FHIP2A: variants seen among roughly 807,000 people sequenced by gnomAD.
FHIP2A encodes the protein family with sequence similarity 160 member B1.
Under a neutral mutation model 93.5 loss-of-function variants are expected in FHIP2A, and 46 were observed. The observed-to-expected ratio is 0.49, with a 90% confidence interval of 0.39 to 0.63. The LOEUF is 0.63. Among genes scored for constraint, FHIP2A ranks in the 20% least tolerant of loss-of-function variants. FHIP2A has a pLI of 0.00. For synonymous variants in FHIP2A, 332 were observed against 326.5 expected, an observed-to-expected ratio of 1.02 and a Z score of -0.18; for missense variants, 769 against 909.7, an observed-to-expected ratio of 0.85 and a Z score of 1.99.
chr10:114,843,303 TTTTAA>T (rs1357201664), intron 6 of FHIP2A, 77 bp downstream of exon 6: 1 of 996,336 alleles, frequency 1.0e-6, no homozygotes, highest in East Asian at 3.3e-5. Context: ...TAATTTTAAT[TTTTAA>T]TTTATTTTTT....
rs192461208 is a variant in FHIP2A, at chr10:114,842,476, T to C, written c.523-457T>C. 5.6e-4 allele frequency among the ~76,000 whole-genome samples: 85 copies of C among 152,296 alleles called. 1 individual carries two copies. In the East Asian group the frequency reaches 0.014, roughly 26 times the overall value. ...ACCTTCAGTCTAATGCTGGTAACTT[T>C]TGAACTTTAAAATATTTTTATTTGT... On this transcript the variant is annotated intron_variant, in intron 5 of 16. Transcript: ENST00000369248.
chr10:114,850,926 TG>T (rs1249605617), intron 13 of FHIP2A, among the ~76,000 whole-genome samples: 9 of 152,290 alleles, frequency 5.9e-5, no homozygotes, highest in Middle Eastern at 6.8e-3. Flanking sequence ...TTGTTGTTGT[TG>T]TTTGGAGACA....
intron 16 of FHIP2A, among the ~76,000 whole-genome samples, chr10:114,895,859 T>G (rs2083998574): frequency 1.3e-5 from 2 of 152,214 alleles, no homozygotes; most frequent in South Asian, 4.1e-4. Context: ...GCACATGATG[T>G]AAGGCATATC....
At chr10:114,823,452 TTTTC>T (rs1439310417) in intron 1 of FHIP2A, among the ~76,000 whole-genome samples, 3 of 151,950 alleles carry the variant, frequency 2.0e-5, no homozygotes, top group Non-Finnish European at 4.4e-5. Flanking sequence ...TTAAATTTTG[TTTTC>T]TTTAAAAATA....
intron 3 of FHIP2A, among the ~76,000 whole-genome samples, chr10:114,834,723 C>T (rs1035914011): frequency 6.6e-6 from 1 of 152,142 alleles, no homozygotes; most frequent in East Asian, 1.9e-4. Flanking sequence ...ATTTATTAAA[C>T]ATTCTTTGCC....
At chr10:114,848,488 A>C (rs2083715289) in intron 12 of FHIP2A, among the ~76,000 whole-genome samples, 159 bp from the exon 13 acceptor site, 2 of 152,192 alleles carry the variant, frequency 1.3e-5, no homozygotes, top group Non-Finnish European at 2.9e-5. Flanking sequence ...ATTTGTATTA[A>C]TACTTAGCTG....
Position 114,886,822 on chromosome 10 carries a change from T to C in FHIP2A, c.2193-12668T>C, listed in dbSNP as rs146510538. On this transcript the variant is annotated intron_variant, in intron 16 of 16. Coordinates refer to the FHIP2A transcript ENST00000369250. ...AGCCTCCCAAAGTACTGTGAGCCAC[T>C]GCACCTGGCCTTTTTTTGTTTTGTT... is the stretch of plus-strand genomic sequence containing the variant. Among the ~76,000 whole-genome samples, 377 of 151,960 alleles carry C rather than the reference T, an allele frequency of 2.5e-3. 2 individuals are homozygous for C. The highest frequency in any genetic ancestry group is 8.6e-3 in the African/African-American group (357 of 41,460).
intron 16 of FHIP2A, among the ~76,000 whole-genome samples, chr10:114,898,115 A>G (rs1002545335): frequency 6.6e-6 from 1 of 152,178 alleles, no homozygotes; most frequent in African/African-American, 2.4e-5. Flanking sequence ...GAAGAAGCCA[A>G]AGAGATGGAC....
At chr10:114,887,200 C>T (rs908335430) in intron 16 of FHIP2A, among the ~76,000 whole-genome samples, 3 of 152,212 alleles carry the variant, frequency 2.0e-5, no homozygotes, top group East Asian at 1.9e-4. Flanking sequence ...GCTAAAATTA[C>T]TGTACAGGGA....
chr10:114,845,055 C>T (rs1053601396), intron 7 of FHIP2A, among the ~76,000 whole-genome samples: 8 of 151,782 alleles, frequency 5.3e-5, no homozygotes, highest in Admixed American at 2.0e-4. Flanking sequence ...CACCCACCCA[C>T]GCACGTTGGC....
intron 16 of FHIP2A, chr10:114,899,464 C>T (rs1309381199): frequency 2.8e-6 from 2 of 718,300 alleles, no homozygotes; most frequent in African/African-American, 1.7e-5. Flanking sequence ...ACCTTCATTT[C>T]CTGATCTTCT....
chr10:114,833,477 A>C, intron 3 of FHIP2A, 75 bp downstream of exon 3: 1 of 1,342,222 alleles, frequency 7.5e-7, no homozygotes, highest in Non-Finnish European at 1.1e-6. Flanking sequence ...GAAGCTGCCA[A>C]ATACTTGATT....
chr10:114,865,225 T>C (rs563737674), downstream of FHIP2A, among the ~76,000 whole-genome samples: 22 of 152,260 alleles, frequency 1.4e-4, no homozygotes, highest in African/African-American at 5.3e-4. Flanking sequence ...TGACCTCAGG[T>C]GATCCACCTG....
intron 16 of FHIP2A, among the ~76,000 whole-genome samples, chr10:114,898,974 A>G (rs115283158): frequency 2.0e-4 from 30 of 152,296 alleles, no homozygotes; most frequent in African/African-American, 7.2e-4. Context: ...GAAGTTTGGT[A>G]AGCATTTGTA....
At chr10:114,843,461 C>A (rs982688370) in intron 6 of FHIP2A, among the ~76,000 whole-genome samples, 1 of 151,674 alleles carries the variant, frequency 6.6e-6, no homozygotes, top group Non-Finnish European at 1.5e-5. Context: ...CACGCCACCA[C>A]GCCAGCTAAT....
chr10:114,841,068 G>T (rs1443028693), intron 5 of FHIP2A, among the ~76,000 whole-genome samples: 1 of 152,010 alleles, frequency 6.6e-6, no homozygotes, highest in African/African-American at 2.4e-5. Context: ...TATTCAACAG[G>T]TCCGGATGGG....
chr10:114,857,199 A>G (rs2083771842), intron 14 of FHIP2A, among the ~76,000 whole-genome samples: 1 of 152,104 alleles, frequency 6.6e-6, no homozygotes, highest in Non-Finnish European at 1.5e-5. Context: ...ATAAAACACA[A>G]GTCCTAGAAA....
downstream of FHIP2A, among the ~76,000 whole-genome samples, chr10:114,868,505 A>T (rs2143013995): frequency 6.6e-6 from 1 of 152,222 alleles, no homozygotes; most frequent in South Asian, 2.1e-4. Context: ...CCACTGCTCT[A>T]GTTGGACTAG....
chr10:114,865,404 A>C (rs2083823816), downstream of FHIP2A, among the ~76,000 whole-genome samples: 2 of 152,184 alleles, frequency 1.3e-5, no homozygotes, highest in African/African-American at 4.8e-5. Flanking sequence ...TGTTCACTTG[A>C]GTATTTGCCA....
Sources: gnomAD v4.1 joint callset for allele counts (sites outside exome capture counted in the v4.1 genomes callset) on GRCh38, gnomAD v4.1.1 for gene constraint, MANE v1.5 for transcripts, NCBI Gene and HGNC (gene_info 2026-07-23, HGNC 2026-07-21) for gene names.